The following APC variants were observed in gnomAD, a reference collection of about 807,000 sequenced individuals.
The protein encoded by APC is APC regulator of Wnt signaling pathway.
APC carries 72 observed loss-of-function variants against 247.0 expected under a neutral mutation model. The ratio of observed to expected loss-of-function variants is 0.29; its 90% confidence interval spans 0.24 to 0.35. The LOEUF (loss-of-function observed/expected upper bound fraction) is 0.35. Ranked by LOEUF, APC falls within the 10% of genes least tolerant of loss-of-function variation. The probability of loss-of-function intolerance (pLI) is 1.00; values close to 1 mark genes in which losing one functional copy is unlikely to be tolerated. For synonymous variants in APC, 1,254 were observed against 1,162.5 expected (o/e 1.08, Z -1.60); for missense variants, 3,400 against 3,360.7 (o/e 1.01, Z -0.29).
rs1225908458 is a variant in APC, at chr5:112,730,512, TTATCTC to T, written c.165+22634_165+22639del. Among the ~76,000 whole-genome samples, 18 of 152,350 alleles carry T rather than the reference TTATCTC, an allele frequency of 1.2e-4. No homozygotes were observed. In the South Asian group the frequency reaches 2.1e-3, roughly 18 times the overall value. ...TCCATGCATGTGAATAGTGATACCT[TTATCTC>T]TATAGAAGTTTTGTTAGATTGAATA... On this transcript the variant is annotated intron_variant, in intron 1 of 13. Transcript: ENST00000507379.
At chr5:112,779,880 C>T (rs1314476600) in intron 5 of APC, among the ~76,000 whole-genome samples, 1 of 152,164 alleles carries the variant, frequency 6.6e-6, no homozygotes, top group Non-Finnish European at 1.5e-5. Context: ...CAACTGACAA[C>T]ACAATTTGGA....
rs587782312 is a variant in APC, at chr5:112,843,755, C to A, written c.8161C>A (p.Arg2721Ser). ...CATGCGTACCGTGGGTTTGGAAAAT[C>A]GCCTGAACTCCTTTATTCAGGTGGA... ...VPMRTVGLEN[R>S]LNSFIQVDAP... is the part of the protein sequence containing the mutation. Residue 2721 changes from arginine to serine, a missense_variant, in exon 16 of 16, where the codon CGC (arginine) becomes AGC (serine). By Grantham distance (110) the Arg-to-Ser change is moderately radical. Transcript: ENST00000257430. This position sits in a 1 kb window ranked among gnomAD's most constrained non-coding sequence, Gnocchi z 4.8. The A allele has an allele frequency of 6.2e-7, 1 of 1,613,994 alleles. No individual in the cohort carries two copies.
Position 112,779,323 on chromosome 5 carries a change from T to A in APC, c.532-1467T>A, listed in dbSNP as rs528232616. 4.9e-4 allele frequency among the ~76,000 whole-genome samples: 74 copies of A among 152,224 alleles called. 1 individual carries two copies. The highest frequency in any genetic ancestry group is 6.5e-4 in the Admixed American group (10 of 15,274). On this transcript the variant is annotated intron_variant, in intron 5 of 15. Coordinates refer to ENST00000257430, the MANE Select transcript of APC (RefSeq NM_000038.6). ...AAAATCCAGAATCCCACTGTCTACA[T>A]GAAGTCAGGTTCAGGAAAGAGCTTA... is the stretch of plus-strand genomic sequence containing the variant.
rs539593945 is a variant in APC, at chr5:112,814,857, G to T, written c.835-638G>T. The stretch of plus-strand genomic sequence containing the variant: ...CCACGCTCTCCGTATTTGTACCTTT[G>T]CACAGTCTCCTCCGTCAGTCTCCTG... On this transcript the variant is annotated intron_variant, in intron 8 of 15. Coordinates refer to ENST00000257430, the MANE Select transcript of APC (RefSeq NM_000038.6). Among the ~76,000 whole-genome samples, 3 of 152,244 alleles carry T rather than the reference G, an allele frequency of 2.0e-5. No homozygotes were observed. The South Asian group carries it at 6.2e-4, about 32-fold the overall frequency.
intron 4 of APC, among the ~76,000 whole-genome samples, chr5:112,774,463 G>A (rs960737010): frequency 6.2e-5 from 7 of 112,412 alleles, no homozygotes; most frequent in South Asian, 3.5e-4. Flanking sequence ...CTGCAAGATC[G>A]ATTTTTTTTT....
At chr5:112,837,174 G>A (rs549000093) in intron 15 of APC, among the ~76,000 whole-genome samples, 7 of 152,110 alleles carry the variant, frequency 4.6e-5, no homozygotes, top group Non-Finnish European at 8.8e-5. Flanking sequence ...TATCAGAGTG[G>A]CACCCAACCA....
chr5:112,843,171 A>G lies in APC; in HGVS notation c.7577A>G (p.His2526Arg), dbSNP rs750012595. The change falls in exon 16 of 16, where the codon CAT becomes CGT. Residue 2526 changes from histidine (H) to arginine (R), a missense_variant. By Grantham distance (29) the His-to-Arg change is conservative. Coordinates refer to ENST00000257430, the MANE Select transcript of APC (RefSeq NM_000038.6). This position sits in a 1 kb window ranked among gnomAD's most constrained non-coding sequence, Gnocchi z 4.8. The part of the protein sequence containing the change: ...EYNDGRPAKR[H>R]DIARSHSESP... The stretch of plus-strand genomic sequence containing the variant: ...AATGATGGAAGACCAGCAAAGCGCC[A>G]TGATATTGCACGGTCTCATTCTGAA... The G allele has an allele frequency of 9.9e-6, 16 of 1,613,438 alleles. No homozygotes were observed. In the Admixed American group the frequency reaches 1.7e-4, roughly 17 times the overall value.
Position 112,838,936 on chromosome 5 carries a change from A to G in APC, c.3342A>G (p.Arg1114=), listed in dbSNP as rs786201145. The G allele has an allele frequency of 2.5e-6, 4 of 1,614,106 alleles. No homozygotes were observed. The highest frequency in any genetic ancestry group is 3.4e-6 in the Non-Finnish European group (4 of 1,180,008). Reference sequence around the variant, plus strand: ...GAGCCAATGGTTCAGAAACAAATCGAGTGGGTTCTAATCATGGAATTAATC... The same window carrying G: ...GAGCCAATGGTTCAGAAACAAATCGGGTGGGTTCTAATCATGGAATTAATC... ...SRGANGSETN[R]VGSNHGINQN... Residue 1114 remains arginine, a synonymous_variant, in exon 16 of 16, where the codon CGA becomes CGG. Coordinates refer to ENST00000257430, the MANE Select transcript of APC (RefSeq NM_000038.6).
intron 1 of APC, among the ~76,000 whole-genome samples, chr5:112,714,695 T>G (rs1561399206): frequency 6.6e-6 from 1 of 152,194 alleles, no homozygotes. Flanking sequence ...TTATTTAGTA[T>G]CACCACTACT....
rs544342789 is a variant in APC at position 112,785,190 on chromosome 5, A to G, written c.645+4287A>G. Among the ~76,000 whole-genome samples, 4 of 152,360 alleles carry G rather than the reference A, an allele frequency of 2.6e-5. No homozygotes were observed. In the South Asian group the frequency reaches 8.3e-4, roughly 32 times the overall value. On this transcript the variant is annotated intron_variant, in intron 6 of 15. Coordinates refer to ENST00000257430, the MANE Select transcript of APC (RefSeq NM_000038.6). Reference sequence around the variant, plus strand: ...GACTAATGCAAGTAGAAAAAACAAAATAAGTGTTATGAATCCTACACTATT... The same window carrying G: ...GACTAATGCAAGTAGAAAAAACAAAGTAAGTGTTATGAATCCTACACTATT...
At chr5:112,782,383 C>T (rs1758444399) in intron 6 of APC, among the ~76,000 whole-genome samples, 1 of 152,072 alleles carries the variant, frequency 6.6e-6, no homozygotes, top group African/African-American at 2.4e-5. Context: ...AACCATATCA[C>T]CCAGCCTAAA....
rs2229997 is a variant in APC at position 112,840,844 on chromosome 5, C to T, written c.5250C>T (p.Val1750=). 2.3e-5 allele frequency: 37 copies of T among 1,613,910 alleles called. No individual in the cohort carries two copies. Among genetic ancestry groups the T allele is most frequent in the Non-Finnish European group, 4.2e-6 (5 of 1,179,980 alleles). ...PFRVKKIMDQ[V]QQASASSSAP... Reference sequence around the variant, plus strand: ...GTGTGAAAAAGATAATGGACCAGGTCCAGCAAGCATCTGCGTCTTCTTCTG... The same window carrying T: ...GTGTGAAAAAGATAATGGACCAGGTTCAGCAAGCATCTGCGTCTTCTTCTG... The change falls in exon 16 of 16, where the codon GTC becomes GTT. Residue 1750 remains valine (V), a synonymous_variant. Coordinates refer to ENST00000257430, the MANE Select transcript of APC (RefSeq NM_000038.6). This position sits in a 1 kb window ranked among gnomAD's most constrained non-coding sequence, Gnocchi z 4.1.
intron 1 of APC, among the ~76,000 whole-genome samples, chr5:112,722,207 G>A (rs1188334131): frequency 1.3e-5 from 2 of 152,142 alleles, no homozygotes; most frequent in African/African-American, 2.4e-5. Context: ...TTTTAGTACA[G>A]TAGTACTAAA....
In APC at chr5:112,839,415, G is replaced by C. The variant is rs1470915050; in HGVS notation, c.3821G>C (p.Cys1274Ser). 1 of 1,614,144 alleles carries C rather than the reference G, an allele frequency of 6.2e-7. No individual in the cohort carries two copies. The highest frequency in any genetic ancestry group is 8.5e-7 in the Non-Finnish European group (1 of 1,180,012). The change falls in exon 16 of 16, where the codon TGT (cysteine) becomes TCT (serine). Residue 1274 changes from cysteine (C) to serine (S), a missense_variant. Cys to Ser is a moderately radical substitution (Grantham distance 112). Coordinates refer to ENST00000257430, the MANE Select transcript of APC (RefSeq NM_000038.6). This position sits in a 1 kb window ranked among gnomAD's most constrained non-coding sequence, Gnocchi z 5.0. ...GATACTCCAATATGTTTTTCAAGAT[G>C]TAGTTCATTATCATCTTTGTCATCA... The part of the protein sequence containing the change: ...VEDTPICFSR[C>S]SSLSSLSSAE...
chr5:112,716,966 A>C (rs1751206227), intron 1 of APC, among the ~76,000 whole-genome samples: 2 of 152,110 alleles, frequency 1.3e-5, no homozygotes, highest in African/African-American at 4.8e-5. Context: ...CTTTAATTCT[A>C]CTTACTTGCA....
rs182760959 is a variant in APC at position 112,826,753 on chromosome 5, G to A, written c.1409-355G>A. On this transcript the variant is annotated intron_variant, in intron 11 of 15. Coordinates refer to ENST00000257430, the MANE Select transcript of APC (RefSeq NM_000038.6). The stretch of plus-strand genomic sequence containing the variant: ...TATAAAGCCCTAATAATAATAATAA[G>A]TTACCTTTTTCTGCTTATGTTCACG... Among the ~76,000 whole-genome samples the A allele has an allele frequency of 3.4e-3, 516 of 151,732 alleles. 2 individuals are homozygous for A. The highest frequency in any genetic ancestry group is 4.8e-3 in the Non-Finnish European group (324 of 67,926).
In APC at chr5:112,841,139, A is replaced by G. The variant is rs1580661279; in HGVS notation, c.5545A>G (p.Ile1849Val). 1 of 1,613,184 alleles carries G rather than the reference A, an allele frequency of 6.2e-7. No individual in the cohort carries two copies. Among genetic ancestry groups the G allele is most frequent in the Non-Finnish European group, 8.5e-7 (1 of 1,179,162 alleles). ...AFDSPHHYTP[I>V]EGTPYCFSRN... ...TGATTCACCTCATCATTACACGCCT[A>G]TTGAAGGAACTCCTTACTGTTTTTC... The change falls in exon 16 of 16, where the codon ATT becomes GTT. Residue 1849 changes from isoleucine to valine, a missense_variant. Physicochemically the swap from Ile to Val is conservative, Grantham distance 29. Transcript: ENST00000257430. This position sits in a 1 kb window ranked among gnomAD's most constrained non-coding sequence, Gnocchi z 4.6.
At chr5:112,795,839 A>G (rs772755000) in intron 7 of APC, among the ~76,000 whole-genome samples, 86 of 152,346 alleles carry the variant, frequency 5.6e-4, no homozygotes, top group Non-Finnish European at 9.7e-4. Flanking sequence ...TTTCAACTCA[A>G]GACCCAGGGG....
intron 2 of APC, among the ~76,000 whole-genome samples, chr5:112,762,968 A>G (rs1338687794): frequency 6.6e-6 from 1 of 152,214 alleles, no homozygotes; most frequent in Non-Finnish European, 1.5e-5. Context: ...GTAAATTTAC[A>G]CAGATTTTGT....
Sources: allele counts gnomAD v4.1 joint callset (sites outside exome capture counted in the v4.1 genomes callset), GRCh38; gene constraint gnomAD v4.1.1; non-coding constraint Gnocchi (gnomAD v3.1); transcripts MANE v1.5; gene names NCBI Gene and HGNC (gene_info 2026-07-23, HGNC 2026-07-21).